Variants in DGKB observed in about 807,000 individuals in gnomAD.
DGKB encodes 90 kDa diacylglycerol kinase.
Under a neutral mutation model 114.3 loss-of-function variants are expected in DGKB, and 67 were observed. The ratio of observed to expected loss-of-function variants is 0.59; its 90% CI spans 0.48 to 0.72. The LOEUF (loss-of-function observed/expected upper bound fraction) is 0.72. Among genes scored for constraint, DGKB ranks in the 30% least tolerant of loss-of-function variants. The pLI, the probability that DGKB is intolerant of heterozygous loss-of-function variation, is 0.00. For missense variants in DGKB, 907 were observed against 975.2 expected (o/e 0.93, Z 0.93); for synonymous variants, 398 against 323.1 (o/e 1.23, Z -2.49).
rs1372356825 is a variant in DGKB at position 14,510,275 on chromosome 7, A to G, written c.1771-32050T>C. Among the ~76,000 whole-genome samples the G allele has an allele frequency of 3.9e-5, 6 of 152,186 alleles. No homozygotes were observed. The East Asian group carries it at 1.2e-3, about 29-fold the overall frequency. On this transcript the variant is annotated intron_variant, in intron 20 of 25. Transcript: ENST00000402815. ...CATTTTATCCACAGGAGATCTTTCA[A>G]AACTGGGGTCAGTCTTCTTAAATCT...
intron 21 of DGKB, among the ~76,000 whole-genome samples, chr7:14,353,754 T>A (rs1813931995): frequency 6.6e-6 from 1 of 152,204 alleles, no homozygotes; most frequent in African/African-American, 2.4e-5. Context: ...ACTATTTTTC[T>A]AAATGTGAAA....
At chr7:14,867,662 T>C (rs1851880387) in intron 1 of DGKB, among the ~76,000 whole-genome samples, 1 of 152,162 alleles carries the variant, frequency 6.6e-6, no homozygotes, top group Admixed American at 6.6e-5. Flanking sequence ...ATAAATGTAA[T>C]TAACTCATAT....
intron 16 of DGKB, 88 bp from the exon 17 acceptor site, chr7:14,607,596 T>C (rs1319238339): frequency 1.8e-5 from 8 of 436,750 alleles, no homozygotes; most frequent in Middle Eastern, 6.4e-4. Flanking sequence ...AAAATATATA[T>C]AGTTGCAATT....
intron 1 of DGKB, among the ~76,000 whole-genome samples, chr7:14,924,912 C>A (rs1446103013): frequency 6.6e-6 from 1 of 152,114 alleles, no homozygotes; most frequent in Non-Finnish European, 1.5e-5. Context: ...CATCAACCTC[C>A]CTGCTGCACA....
At chr7:14,849,898 T>C (rs189963142) in intron 1 of DGKB, among the ~76,000 whole-genome samples, 34 of 152,142 alleles carry the variant, frequency 2.2e-4, no homozygotes, top group African/African-American at 7.5e-4. Context: ...CCATCACATA[T>C]GGGGCAAGAG....
chr7:14,421,777 G>A (rs1262203909), intron 21 of DGKB, among the ~76,000 whole-genome samples: 1 of 152,016 alleles, frequency 6.6e-6, no homozygotes, highest in African/African-American at 2.4e-5. Context: ...GAGCACTGAT[G>A]TAATTAGAGA....
chr7:14,313,320 G>T (rs6461084), intron 23 of DGKB, among the ~76,000 whole-genome samples: 2 of 152,108 alleles, frequency 1.3e-5, no homozygotes, highest in African/African-American at 4.8e-5. Flanking sequence ...CAGCCTGAGC[G>T]ACGCAGAAGA....
chr7:14,291,683 CAA>C (rs1391582476), intron 23 of DGKB, among the ~76,000 whole-genome samples: 1 of 152,076 alleles, frequency 6.6e-6, no homozygotes, highest in East Asian at 1.9e-4. Flanking sequence ...ACAAAAGTCC[CAA>C]ATTTAAAATT....
At chr7:14,452,999 T>G (rs550552821) in intron 21 of DGKB, among the ~76,000 whole-genome samples, 4 of 152,142 alleles carry the variant, frequency 2.6e-5, no homozygotes, top group African/African-American at 9.7e-5. Context: ...GGCTTAAACA[T>G]TGTAACGTGG....
At chr7:14,715,065 G>T (rs1198049508) in intron 6 of DGKB, among the ~76,000 whole-genome samples, 2 of 152,078 alleles carry the variant, frequency 1.3e-5, no homozygotes, top group African/African-American at 4.8e-5. Context: ...TTACAGTTGA[G>T]AAAACTGAGT....
rs911221605 is a variant in DGKB at position 14,476,091 on chromosome 7, C to T, written c.1835+2070G>A. ...AAAAGGTATTATCCAAACACACTTTCGTTTTTTGCTTGAAACCTATTTTAA... is the reference window on the plus strand; with the variant it reads ...AAAAGGTATTATCCAAACACACTTTTGTTTTTTGCTTGAAACCTATTTTAA... On this transcript the variant is annotated intron_variant, in intron 21 of 25. Coordinates refer to ENST00000402815, the MANE Select transcript of DGKB (RefSeq NM_001350709.2). 6.6e-5 allele frequency among the ~76,000 whole-genome samples: 10 copies of T among 151,828 alleles called. No individual in the cohort carries two copies. The East Asian group carries it at 7.7e-4, about 12-fold the overall frequency.
intron 20 of DGKB, among the ~76,000 whole-genome samples, chr7:14,484,882 T>G (rs971338504): frequency 6.6e-6 from 1 of 152,052 alleles, no homozygotes. Context: ...TTCAAAGAAA[T>G]AAACTGAAAT....
chr7:14,919,095 AACACACAC>A (rs3036019), intron 1 of DGKB, among the ~76,000 whole-genome samples: 1 of 114,920 alleles, frequency 8.7e-6, no homozygotes, highest in Non-Finnish European at 1.8e-5. Context: ...CACACACACA[AACACACAC>A]ACACACACAC....
chr7:14,713,980 A>G, intron 6 of DGKB, among the ~76,000 whole-genome samples: 1 of 151,878 alleles, frequency 6.6e-6, no homozygotes, highest in South Asian at 2.1e-4. Context: ...AGTTGATGTT[A>G]TTTTTATATT....
At chr7:14,668,271 T>C (rs1585503861) in intron 13 of DGKB, among the ~76,000 whole-genome samples, 1 of 152,178 alleles carries the variant, frequency 6.6e-6, no homozygotes, top group African/African-American at 2.4e-5. Context: ...ATTAAGAACA[T>C]TAGAATAGAA....
At chr7:14,500,473 T>C (rs1415460949) in intron 20 of DGKB, among the ~76,000 whole-genome samples, 1 of 142,742 alleles carries the variant, frequency 7.0e-6, no homozygotes, top group Non-Finnish European at 1.5e-5. Context: ...AAAGTTTCTT[T>C]ATTTTTTTTT....
chr7:14,358,131 G>C (rs1177786872), intron 21 of DGKB, among the ~76,000 whole-genome samples: 1 of 152,102 alleles, frequency 6.6e-6, no homozygotes, highest in Non-Finnish European at 1.5e-5. Flanking sequence ...GAATTTGAAT[G>C]TTGGCCTGCC....
intron 23 of DGKB, among the ~76,000 whole-genome samples, chr7:14,205,287 C>CA (rs1418166754): frequency 2.0e-5 from 3 of 151,908 alleles, no homozygotes; most frequent in South Asian, 2.1e-4. Context: ...TCCACCTCCT[C>CA]AAAACTCTTC....
chr7:14,652,160 A>G (rs1272656322), intron 13 of DGKB, among the ~76,000 whole-genome samples: 1 of 143,228 alleles, frequency 7.0e-6, no homozygotes, highest in East Asian at 2.1e-4. Flanking sequence ...TTTAAAGTTC[A>G]TATGGAACCA....
Sources: allele counts gnomAD v4.1 joint callset (sites outside exome capture counted in the v4.1 genomes callset), GRCh38; gene constraint gnomAD v4.1.1; transcripts MANE v1.5; gene names NCBI Gene and HGNC (gene_info 2026-07-23, HGNC 2026-07-21).